PSMD12: variants seen among roughly 807,000 people sequenced by gnomAD.
PSMD12 encodes 26S proteasome non-ATPase regulatory subunit 12.
PSMD12 carries 8 observed loss-of-function variants against 62.9 expected under a neutral mutation model. The ratio of observed to expected loss-of-function variants is 0.13; its 90% CI spans 0.07 to 0.23. PSMD12 has a LOEUF of 0.23. Ranked by LOEUF, PSMD12 falls within the 10% of genes least tolerant of loss-of-function variation. PSMD12 has a pLI of 1.00. For synonymous variants in PSMD12, 173 were observed against 187.4 expected (o/e 0.92, Z 0.63); for missense variants, 424 against 550.2 (o/e 0.77, Z 2.29).
At chr17:67,355,179 G>T (rs55922300) in intron 3 of PSMD12, among the ~76,000 whole-genome samples, 11 of 141,442 alleles carry the variant, frequency 7.8e-5, no homozygotes, top group Non-Finnish European at 1.2e-4. Flanking sequence ...TGCAACCTCT[G>T]CCTCCCCAGT....
chr17:67,346,555 ACT>A (rs1367317322), intron 7 of PSMD12, among the ~76,000 whole-genome samples: 1 of 152,102 alleles, frequency 6.6e-6, no homozygotes, highest in African/African-American at 2.4e-5. Flanking sequence ...ACAGAGCGAG[ACT>A]CTGTCTCAAA....
rs781036893 is a variant in PSMD12 at position 67,350,353 on chromosome 17, C to T, written c.298-17G>A. 3 of 1,536,382 alleles carry T rather than the reference C, an allele frequency of 2.0e-6. No homozygotes were observed. Among genetic ancestry groups the T allele is most frequent in the South Asian group, 2.4e-5 (2 of 83,584 alleles). ...GGCAACAGCCTAAAATATTAAAAAC[C>T]ATTCATAAGTAAAATACATTCCTCA... On this transcript the variant is annotated splice_polypyrimidine_tract_variant and intron_variant, in intron 3 of 10. Transcript: ENST00000356126.
In PSMD12 at chr17:67,347,125, T is replaced by C; in HGVS notation, c.786A>G (p.Lys262=). 1 of 1,593,748 alleles carries C rather than the reference T, an allele frequency of 6.3e-7. No homozygotes were observed. The highest frequency in any genetic ancestry group is 8.6e-7 in the Non-Finnish European group (1 of 1,169,286). The change falls in exon 7 of 11, where the codon AAA becomes AAG. Residue 262 remains lysine (K), a synonymous_variant. Transcript: ENST00000356126. The part of the protein sequence containing the change: ...DTPCIQAESE[K]WQQALKSVVL... ...ACGAATATATTCTTACCTGCTGCCATTTTTCACTTTCTGCCTGTATACAGG... is the reference window on the plus strand; with the variant it reads ...ACGAATATATTCTTACCTGCTGCCACTTTTCACTTTCTGCCTGTATACAGG...
intron 5 of PSMD12, 90 bp from the exon 6 acceptor site, chr17:67,347,575 T>C (rs1198171806): frequency 7.7e-7 from 1 of 1,291,990 alleles, no homozygotes; most frequent in Non-Finnish European, 1.1e-6. Flanking sequence ...TATTCATCCT[T>C]GTTAAATAAT....
chr17:67,364,970 G>C (rs34339814), intron 1 of PSMD12, among the ~76,000 whole-genome samples: 34,199 of 151,972 alleles, frequency 0.23, 4,062 homozygotes, highest in Middle Eastern at 0.29. Flanking sequence ...GATCACTTTA[G>C]GTCAGGAGGT....
At chr17:67,343,636 G>C (rs528832376) in intron 9 of PSMD12, among the ~76,000 whole-genome samples, 1 of 152,222 alleles carries the variant, frequency 6.6e-6, no homozygotes, top group East Asian at 1.9e-4. Context: ...TACAATATCT[G>C]ATACTCTTTT....
At chr17:67,351,219 G>T (rs985188862) in intron 3 of PSMD12, among the ~76,000 whole-genome samples, 2 of 151,822 alleles carry the variant, frequency 1.3e-5, no homozygotes, top group African/African-American at 4.8e-5. Context: ...GTGAAACCCC[G>T]TCTCTACTAA....
chr17:67,340,944 A>G lies in PSMD12; in HGVS notation c.1270T>C (p.Leu424=), dbSNP rs757389122. The part of the protein sequence containing the change: ...NFQRPKDPNN[L]LNDWSQKLNS... ...AGTTTCTGAGACCAGTCATTTAATA[A>G]ATTATTTGGATCCTTGGGTCTCTGG... The change falls in exon 11 of 11, where the codon TTA becomes CTA. Residue 424 remains leucine (L), a synonymous_variant. Transcript: ENST00000356126. 2 of 1,586,400 alleles carry G rather than the reference A, an allele frequency of 1.3e-6. No homozygotes were observed. Among genetic ancestry groups the G allele is most frequent in the African/African-American group, 2.7e-5 (2 of 72,822 alleles).
Position 67,353,312 on chromosome 17 carries a change from C to T in PSMD12, c.298-2976G>A, listed in dbSNP as rs1330072070. Among the ~76,000 whole-genome samples, 10 of 151,684 alleles carry T rather than the reference C, an allele frequency of 6.6e-5. No individual in the cohort carries two copies. In the South Asian group the frequency reaches 2.1e-3, roughly 32 times the overall value. ...TCCTTTCCTTCCCTTCCTCCTTCCC[C>T]CCGCTCCCTCTCTCTTTCTTTTGAG... is the stretch of plus-strand genomic sequence containing the variant. On this transcript the variant is annotated intron_variant, in intron 3 of 10. Coordinates refer to ENST00000356126, the MANE Select transcript of PSMD12 (RefSeq NM_002816.5).
Position 67,350,257 on chromosome 17 carries a change from T to C in PSMD12, c.377A>G (p.Asp126Gly). 6.2e-7 allele frequency: 1 copy of C among 1,612,734 alleles called. No homozygotes were observed. Among genetic ancestry groups the C allele is most frequent in the Non-Finnish European group, 8.5e-7 (1 of 1,179,320 alleles). Reference sequence around the variant, plus strand: ...GCCTTCGGTAACCATTCGTAGAGTATCAATTAATCGAAGTTTGATAGGAAG... The same window carrying C: ...GCCTTCGGTAACCATTCGTAGAGTACCAATTAATCGAAGTTTGATAGGAAG... ...TDLPIKLRLI[D>G]TLRMVTEGKI... Residue 126 changes from aspartate (D) to glycine (G), a missense_variant, in exon 4 of 11, where the codon GAT becomes GGT. Physicochemically the swap from Asp to Gly is moderately conservative, Grantham distance 94. Coordinates refer to ENST00000356126, the MANE Select transcript of PSMD12 (RefSeq NM_002816.5).
At chr17:67,356,451 G>A (rs1316071307) in intron 3 of PSMD12, among the ~76,000 whole-genome samples, 15 of 147,114 alleles carry the variant, frequency 1.0e-4, no homozygotes, top group African/African-American at 1.2e-4. Context: ...CCAGCTACTC[G>A]GGAGGCTGAG....
chr17:67,348,530 T>A lies in PSMD12; in HGVS notation c.510+20A>T. On this transcript the variant is annotated intron_variant, in intron 5 of 10. Coordinates refer to ENST00000356126, the MANE Select transcript of PSMD12 (RefSeq NM_002816.5). Reference sequence around the variant, plus strand: ...GCTGACAAAACAAAGTTTTACCAACTCTAAAATGCAATACCTTACCTGTAA... The same window carrying A: ...GCTGACAAAACAAAGTTTTACCAACACTAAAATGCAATACCTTACCTGTAA... The A allele has an allele frequency of 6.3e-7, 1 of 1,590,294 alleles. No individual in the cohort carries two copies. Among genetic ancestry groups the A allele is most frequent in the Non-Finnish European group, 8.6e-7 (1 of 1,161,070 alleles).
intron 1 of PSMD12, among the ~76,000 whole-genome samples, chr17:67,359,839 A>G (rs1311914241): frequency 6.6e-6 from 1 of 152,204 alleles, no homozygotes; most frequent in African/African-American, 2.4e-5. Flanking sequence ...AGAGGAAAAA[A>G]ACAATGAACA....
At chr17:67,341,536 A>ACTGATAG (rs1475499818) in intron 10 of PSMD12, among the ~76,000 whole-genome samples, 1 of 145,438 alleles carries the variant, frequency 6.9e-6, no homozygotes. Flanking sequence ...TACTTATTTT[A>ACTGATAG]CTGATAGTCT....
intron 9 of PSMD12, 87 bp from the exon 10 acceptor site, chr17:67,342,350 A>C: frequency 1.1e-6 from 1 of 889,464 alleles, no homozygotes; most frequent in Non-Finnish European, 1.8e-6. Context: ...AAGTAAGTTT[A>C]CTTAAAATGT....
chr17:67,338,451 C>G lies in PSMD12; in HGVS notation c.*2392G>C, dbSNP rs1360020152. 1 of 152,128 alleles carries G rather than the reference C, an allele frequency of 6.6e-6. No homozygotes were observed. Among genetic ancestry groups the G allele is most frequent in the Non-Finnish European group, 1.5e-5 (1 of 68,046 alleles). The allele number at this position is 152,128 out of a possible 1,614,324, so 9.4% of individuals were successfully genotyped here. A position where few individuals can be genotyped will look rare whatever the true frequency, so the allele number is the denominator to read the frequency against. Reference sequence around the variant, plus strand: ...TGGATTAATGTTTGACAGGAAAAAACACGAAATGGATGAACAGCTGATCGA... The same window carrying G: ...TGGATTAATGTTTGACAGGAAAAAAGACGAAATGGATGAACAGCTGATCGA... On this transcript the variant is annotated 3_prime_UTR_variant, in exon 11 of 11. Transcript: ENST00000356126.
chr17:67,363,507 T>C (rs1431261149), intron 1 of PSMD12, among the ~76,000 whole-genome samples: 1 of 152,046 alleles, frequency 6.6e-6, no homozygotes, highest in East Asian at 1.9e-4. Context: ...CTTAAAGAGG[T>C]AGTAGCAAAA....
chr17:67,353,958 A>G (rs183815507), intron 3 of PSMD12, among the ~76,000 whole-genome samples: 184 of 152,340 alleles, frequency 1.2e-3, no homozygotes, highest in African/African-American at 4.1e-3. Flanking sequence ...GTAGCAATTA[A>G]AAAAAATCTT....
intron 3 of PSMD12, among the ~76,000 whole-genome samples, chr17:67,353,894 ATTTC>A (rs2042042532): frequency 6.6e-6 from 1 of 152,100 alleles, no homozygotes; most frequent in African/African-American, 2.4e-5. Context: ...CTTCTTTCAC[ATTTC>A]TTTGTACATC....
Sources: gnomAD v4.1 joint callset for allele counts (sites outside exome capture counted in the v4.1 genomes callset) on GRCh38, gnomAD v4.1.1 for gene constraint, MANE v1.5 for transcripts, NCBI Gene and HGNC (gene_info 2026-07-23, HGNC 2026-07-21) for gene names.